CNKSR1: variants seen among roughly 807,000 people sequenced by gnomAD.
CNKSR1 encodes connector enhancer of kinase suppressor of Ras 1, also known as CNK homolog protein 1.
In CNKSR1, 88 loss-of-function variants were observed where a neutral mutation model predicts 95.6. That is an observed-to-expected ratio of 0.92 (90% CI 0.78 to 1.10). The LOEUF (loss-of-function observed/expected upper bound fraction) is 1.10, where lower values mean the gene tolerates loss of function less well. Among genes scored for constraint, CNKSR1 ranks in the 50% least tolerant of loss-of-function variants. The pLI is 0.00. For synonymous variants in CNKSR1, 355 were observed against 369.7 expected (o/e 0.96, Z 0.46); for missense variants, 836 against 912.0 (o/e 0.92, Z 1.07).
At chr1:26,182,139 G>A (rs2088657046) in intron 4 of CNKSR1, 198 bp downstream of exon 4, 1 of 717,114 alleles carries the variant, frequency 1.4e-6, no homozygotes. Flanking sequence ...TGACACTCAG[G>A]ACAGGGAAGG....
rs764778110 is a variant in CNKSR1 at position 26,183,332 on chromosome 1, A to T, written c.685-14A>T. 3 of 1,614,160 alleles carry T rather than the reference A, an allele frequency of 1.9e-6. No individual in the cohort carries two copies. The highest frequency in any genetic ancestry group is 3.3e-5 in the Admixed American group (2 of 60,030). ...GCAAGCCAGGCCAACCTCAGGCCCC[A>T]TTCCCCACGTCAGGTTCCCACTGAC... On this transcript the variant is annotated splice_polypyrimidine_tract_variant and intron_variant, in intron 7 of 20. Transcript: ENST00000361530.
intron 8 of CNKSR1, 111 bp from the exon 9 acceptor site, chr1:26,183,618 G>A (rs1458717854): frequency 9.6e-7 from 1 of 1,037,790 alleles, no homozygotes; most frequent in Non-Finnish European, 1.5e-6. Flanking sequence ...TGCATGAGTG[G>A]GAGGCAGAAG....
chr1:26,187,337 C>A (rs771916230), intron 15 of CNKSR1, 74 bp from the exon 16 acceptor site: 2 of 1,587,348 alleles, frequency 1.3e-6, no homozygotes, highest in Non-Finnish European at 1.7e-6. Context: ...GTGGCTGGGG[C>A]GCCCAGAATC....
In CNKSR1 at chr1:26,184,083, G is replaced by A. The variant is rs781580321; in HGVS notation, c.868G>A (p.Val290Ile). The change falls in exon 10 of 21, where the codon GTC becomes ATC. Residue 290 changes from valine (V) to isoleucine (I), a missense_variant. Physicochemically the swap from Val to Ile is conservative, Grantham distance 29. Coordinates refer to ENST00000361530, the MANE Select transcript of CNKSR1 (RefSeq NM_006314.3). ...GGTTGTTCCCCAGACGCCCCCTCAG[G>A]TCCTGGACTCCCCGCACCAGAGGAG... is the stretch of plus-strand genomic sequence containing the variant. ...PETPPQTPPQ[V>I]LDSPHQRSPS... is the part of the protein sequence containing the mutation. 22 of 1,610,454 alleles carry A rather than the reference G, an allele frequency of 1.4e-5. 1 individual carries two copies. Among genetic ancestry groups the A allele is most frequent in the Non-Finnish European group, 1.6e-5 (19 of 1,179,242 alleles).
chr1:26,187,193 A>G lies in CNKSR1; in HGVS notation c.1334A>G (p.Asn445Ser), dbSNP rs2088770868. ...PQDEKAEGLI[N>S]VSNYSLESGH... The stretch of plus-strand genomic sequence containing the variant: ...GATGAGAAGGCTGAGGGCCTCATCA[A>G]TGTCTCCAACTATAGTCTGGAAAGT... The change falls in exon 15 of 21, where the codon AAT becomes AGT. Residue 445 changes from asparagine (N) to serine (S), a missense_variant. By Grantham distance (46) the Asn-to-Ser change is conservative. Coordinates refer to ENST00000361530, the MANE Select transcript of CNKSR1 (RefSeq NM_006314.3). 4 of 1,614,084 alleles carry G rather than the reference A, an allele frequency of 2.5e-6. No homozygotes were observed. Among genetic ancestry groups the G allele is most frequent in the South Asian group, 2.2e-5 (2 of 91,082 alleles).
chr1:26,187,875 C>T (rs766470831), intron 16 of CNKSR1, among the ~76,000 whole-genome samples: 11 of 151,952 alleles, frequency 7.2e-5, no homozygotes, highest in Non-Finnish European at 1.3e-4. Context: ...CCTGCCTCGG[C>T]CTCCCAAAGA....
At chr1:26,188,121 C>T (rs886897876) in intron 16 of CNKSR1, 113 bp from the exon 17 acceptor site, 26 of 886,014 alleles carry the variant, frequency 2.9e-5, no homozygotes, top group Admixed American at 5.8e-5. Flanking sequence ...AAGAGTTCAT[C>T]CCTCTCAGAG....
intron 3 of CNKSR1, 145 bp from the exon 4 acceptor site, chr1:26,181,712 T>A (rs2088650172): frequency 1.4e-6 from 1 of 736,790 alleles, no homozygotes; most frequent in African/African-American, 1.7e-5. Context: ...TCTCTTTAGA[T>A]GTCTCAATCA....
rs2088811716 is a variant in CNKSR1 at position 26,188,913 on chromosome 1, A to G, written c.1832A>G (p.Glu611Gly). ...MRRNRDPQLN[E>G]RVHRVRALQS... ...CGCAACCGAGACCCTCAGCTCAATG[A>G]GCGAGTGCACCGTGTGCGGGCGCTA... The change falls in exon 20 of 21, where the codon GAG becomes GGG. Residue 611 changes from glutamate to glycine, a missense_variant. Transcript: ENST00000361530. 1 of 1,613,330 alleles carries G rather than the reference A, an allele frequency of 6.2e-7. No homozygotes were observed. Among genetic ancestry groups the G allele is most frequent in the Non-Finnish European group, 8.5e-7 (1 of 1,179,940 alleles).
intron 3 of CNKSR1, 130 bp downstream of exon 3, chr1:26,181,026 T>C: frequency 1.7e-6 from 2 of 1,176,684 alleles, no homozygotes; most frequent in South Asian, 2.5e-5. Flanking sequence ...AGGTCTGTAA[T>C]CCCAGCACTT....
In CNKSR1 at chr1:26,184,056, C is replaced by G; in HGVS notation, c.856-15C>G. On this transcript the variant is annotated splice_polypyrimidine_tract_variant and intron_variant, in intron 9 of 20. Transcript: ENST00000361530. ...GACCCCTGTCTCCATTGCTTTGTTC[C>G]TGGTTGTTCCCCAGACGCCCCCTCA... 1 of 1,605,632 alleles carries G rather than the reference C, an allele frequency of 6.2e-7. No homozygotes were observed.
chr1:26,182,024 A>G (rs2088655358), intron 4 of CNKSR1, 83 bp downstream of exon 4: 1 of 1,275,556 alleles, frequency 7.8e-7, no homozygotes, highest in South Asian at 1.2e-5. Context: ...GAATCAGCCC[A>G]GGATCGAGTA....
chr1:26,188,216 C>T lies in CNKSR1; in HGVS notation c.1455-18C>T, dbSNP rs757887283. 1.9e-6 allele frequency: 3 copies of T among 1,612,636 alleles called. No homozygotes were observed. The highest frequency in any genetic ancestry group is 2.5e-6 in the Non-Finnish European group (3 of 1,178,796). On this transcript the variant is annotated intron_variant, in intron 16 of 20. Transcript: ENST00000361530. Reference sequence around the variant, plus strand: ...CCCAGTGGATGGAAACCCTGTGAGACCTGCTTGCTCTCCATAGGTGGGTGC... The same window carrying T: ...CCCAGTGGATGGAAACCCTGTGAGATCTGCTTGCTCTCCATAGGTGGGTGC...
rs1557626115 is a variant in CNKSR1, at chr1:26,188,876, TCTTTCATG to T, written c.1797_1804del (p.Phe600AlafsTer9). 1 of 1,613,328 alleles carries T rather than the reference TCTTTCATG, an allele frequency of 6.2e-7. No homozygotes were observed. The highest frequency in any genetic ancestry group is 8.5e-7 in the Non-Finnish European group (1 of 1,179,842). On this transcript the variant is annotated frameshift_variant, in exon 20 of 21. Transcript: ENST00000361530. LOFTEE classifies it high-confidence loss of function. The stretch of plus-strand genomic sequence containing the variant: ...CCTGACCCAGGAACAGTGGCGGAGC[TCTTTCATG>T]CGGCGCAACCGAGACCCTCAGCTCA...
At chr1:26,183,527 C>T in intron 8 of CNKSR1, 113 bp downstream of exon 8, 1 of 1,227,450 alleles carries the variant, frequency 8.1e-7, no homozygotes, top group Non-Finnish European at 1.2e-6. Context: ...AGCTGCCTTC[C>T]AGGAGATGAG....
In CNKSR1 at chr1:26,189,746, C is replaced by T. The variant is rs565213274; in HGVS notation, c.*198C>T. 2 of 700,260 alleles carry T rather than the reference C, an allele frequency of 2.9e-6. No individual in the cohort carries two copies. The highest frequency in any genetic ancestry group is 5.2e-6 in the Non-Finnish European group (2 of 384,902). The allele number at this position is 700,260 out of a possible 1,614,324, so 43.4% of individuals were successfully genotyped here. A position where few individuals can be genotyped will look rare whatever the true frequency, so the allele number is the denominator to read the frequency against. On this transcript the variant is annotated 3_prime_UTR_variant, in exon 21 of 21. Coordinates refer to ENST00000361530, the MANE Select transcript of CNKSR1 (RefSeq NM_006314.3). ...CCTTGCCAAAGAAGAAACTCTCCCC[C>T]CAAATCCTCCAACCTCTGGGGCCAC...
chr1:26,187,255 G>A lies in CNKSR1; in HGVS notation c.1382+14G>A, dbSNP rs761848081. 6.2e-7 allele frequency: 1 copy of A among 1,609,992 alleles called. No individual in the cohort carries two copies. Among genetic ancestry groups the A allele is most frequent in the Admixed American group, 1.7e-5 (1 of 60,014 alleles). ...GAAGAAGAAATAGTTAAGTCTTGGG[G>A]TGTGATGGGCTGGGGGATGGAGACA... On this transcript the variant is annotated intron_variant, in intron 15 of 20. Coordinates refer to ENST00000361530, the MANE Select transcript of CNKSR1 (RefSeq NM_006314.3).
In CNKSR1 at chr1:26,187,019, G is replaced by C. The variant is rs2088762914; in HGVS notation, c.1309-149G>C. On this transcript the variant is annotated intron_variant, in intron 14 of 20. Coordinates refer to ENST00000361530, the MANE Select transcript of CNKSR1 (RefSeq NM_006314.3). ...TACCCTGACCCCAGATTCCAGCCCT[G>C]AGCTCCAGAAACAGAGAGACTTGTT... 1.7e-5 allele frequency: 12 copies of C among 698,412 alleles called. No individual in the cohort carries two copies. In the South Asian group the frequency reaches 1.8e-4, roughly 11 times the overall value. 43.3% of individuals were successfully genotyped at this position (698,412 alleles called of 1,614,324 possible). A position where few individuals can be genotyped will look rare whatever the true frequency, so the allele number is the denominator to read the frequency against.
intron 14 of CNKSR1, 77 bp downstream of exon 14, chr1:26,185,263 C>T (rs932816961): frequency 5.6e-6 from 8 of 1,429,470 alleles, no homozygotes; most frequent in Admixed American, 3.9e-5. Flanking sequence ...TTCTATCATC[C>T]ACTCTTATTC....
Sources: gnomAD v4.1 joint callset for allele counts (sites outside exome capture counted in the v4.1 genomes callset) on GRCh38, gnomAD v4.1.1 for gene constraint, MANE v1.5 for transcripts, NCBI Gene and HGNC (gene_info 2026-07-23, HGNC 2026-07-21) for gene names.